The following PARD3B variants were observed in gnomAD, a reference collection of about 807,000 sequenced individuals.
PARD3B encodes partitioning defective 3 homolog B.
Under a neutral mutation model 130.2 loss-of-function variants are expected in PARD3B, and 103 were observed. That is an observed-to-expected ratio of 0.79 (90% CI 0.67 to 0.93). The LOEUF (loss-of-function observed/expected upper bound fraction) is 0.93, where lower values mean the gene tolerates loss of function less well. Ranked by LOEUF, PARD3B falls within the 40% of genes least tolerant of loss-of-function variation. PARD3B has a pLI of 0.00. For missense variants in PARD3B, 1,609 were observed against 1,499.2 expected, an observed-to-expected ratio of 1.07 and a Z score of -1.21; for synonymous variants, 583 against 553.2, an observed-to-expected ratio of 1.05 and a Z score of -0.76.
chr2:205,440,525 C>A lies in PARD3B; in HGVS notation c.2897C>A (p.Ala966Glu). 6.2e-7 allele frequency: 1 copy of A among 1,614,060 alleles called. No homozygotes were observed. The highest frequency in any genetic ancestry group is 8.5e-7 in the Non-Finnish European group (1 of 1,179,986). The change falls in exon 20 of 23, where the codon GCA (alanine) becomes GAA (glutamate). Residue 966 changes from alanine (A) to glutamate (E), a missense_variant. By Grantham distance (107) the Ala-to-Glu change is moderately radical. Coordinates refer to ENST00000406610, the MANE Select transcript of PARD3B (RefSeq NM_001302769.2). This position sits in a 1 kb window ranked among gnomAD's most constrained non-coding sequence, Gnocchi z 4.2. ...VNHFREPCTS[A>E]NVFRSPSPPR... ...CACTTTCGGGAACCATGCACATCAG[C>A]AAATGTCTTTAGATCTCCATCTCCC...
intron 2 of PARD3B, among the ~76,000 whole-genome samples, chr2:204,697,628 A>G (rs1318014793): frequency 1.3e-5 from 2 of 152,090 alleles, no homozygotes; most frequent in African/African-American, 4.8e-5. Context: ...CCTCTGAGGC[A>G]TGCATTTCAG....
In PARD3B at chr2:204,623,568, T is replaced by TC. The variant is rs2034379016; in HGVS notation, c.121-62612dup. On this transcript the variant is annotated intron_variant, in intron 1 of 22. Coordinates refer to ENST00000406610, the MANE Select transcript of PARD3B (RefSeq NM_001302769.2). This position sits in a 1 kb window ranked among gnomAD's most constrained non-coding sequence, Gnocchi z 4.5. ...GACCTTTTGAGAATGACTTTTTTTT[T>TC]CTACTTGGCATAATGTCATTGAGAT... Among the ~76,000 whole-genome samples, 1 of 152,164 alleles carries TC rather than the reference T, an allele frequency of 6.6e-6. No homozygotes were observed. The highest frequency in any genetic ancestry group is 2.4e-5 in the African/African-American group (1 of 41,452).
intron 16 of PARD3B, among the ~76,000 whole-genome samples, chr2:205,260,368 G>A (rs1299773673): frequency 6.6e-6 from 1 of 152,074 alleles, no homozygotes; most frequent in Non-Finnish European, 1.5e-5. Context: ...TTGGATTGTT[G>A]GAATAGGGAT....
At chr2:204,959,576 C>A (rs1185080740) in intron 2 of PARD3B, among the ~76,000 whole-genome samples, 1 of 152,176 alleles carries the variant, frequency 6.6e-6, no homozygotes, top group Non-Finnish European at 1.5e-5. Context: ...AATGGTAGAA[C>A]TAATTTACAC....
Position 205,530,613 on chromosome 2 carries a change from A to C in PARD3B, c.3181-22711A>C, listed in dbSNP as rs1033506640. ...CGGGTAACACCCTTCCATCCTGAGG[A>C]GCTAGAGAATCCGAGATTCAGAGAG... is the stretch of plus-strand genomic sequence containing the variant. On this transcript the variant is annotated intron_variant, in intron 21 of 22. Transcript: ENST00000406610. The surrounding 1 kb of genome is among the most constrained non-coding windows in gnomAD (Gnocchi z 4.7). Among the ~76,000 whole-genome samples, 5 of 152,064 alleles carry C rather than the reference A, an allele frequency of 3.3e-5. No homozygotes were observed. The highest frequency in any genetic ancestry group is 1.2e-4 in the African/African-American group (5 of 41,372).
At chr2:205,614,992 A>G (rs953283033) in intron 22 of PARD3B, among the ~76,000 whole-genome samples, 1 of 152,204 alleles carries the variant, frequency 6.6e-6, no homozygotes, top group African/African-American at 2.4e-5. Context: ...ATGGTGGTAG[A>G]AAAGGGGAGG....
intron 3 of PARD3B, among the ~76,000 whole-genome samples, chr2:205,046,153 T>C (rs979863587): frequency 7.2e-5 from 11 of 152,240 alleles, no homozygotes; most frequent in Non-Finnish European, 1.5e-4. Flanking sequence ...AGGAACTTAG[T>C]CTTCAGATTA....
At chr2:204,950,259 A>C (rs1048868499) in intron 2 of PARD3B, among the ~76,000 whole-genome samples, 1 of 152,198 alleles carries the variant, frequency 6.6e-6, no homozygotes, top group African/African-American at 2.4e-5. Context: ...GGAGAAATAA[A>C]TGAGATAATA....
chr2:205,294,691 T>C (rs1023407613), intron 16 of PARD3B, among the ~76,000 whole-genome samples: 2 of 152,156 alleles, frequency 1.3e-5, no homozygotes, highest in Non-Finnish European at 2.9e-5. Context: ...AAGTTCATTA[T>C]TGAACATTTT....
intron 1 of PARD3B, among the ~76,000 whole-genome samples, chr2:204,556,684 G>C (rs1026492629): frequency 6.6e-6 from 1 of 152,082 alleles, no homozygotes; most frequent in Non-Finnish European, 1.5e-5. Context: ...TGCCCTAAGG[G>C]ATTTTCATGC....
intron 2 of PARD3B, among the ~76,000 whole-genome samples, chr2:204,803,906 A>C: frequency 6.6e-6 from 1 of 152,140 alleles, no homozygotes. Flanking sequence ...ATCAAAAGAC[A>C]GATTTGCTAG....
At chr2:204,765,450 C>CAG (rs2041104149) in intron 2 of PARD3B, among the ~76,000 whole-genome samples, 5 of 152,156 alleles carry the variant, frequency 3.3e-5, no homozygotes, top group Admixed American at 3.3e-4. Context: ...CTGATCTTAA[C>CAG]CTAGCCTCTT....
intron 1 of PARD3B, among the ~76,000 whole-genome samples, chr2:204,604,913 C>A (rs2033653525): frequency 6.6e-6 from 1 of 152,016 alleles, no homozygotes; most frequent in African/African-American, 2.4e-5. Flanking sequence ...TCATCTGGTG[C>A]CTTGTCTGGA....
chr2:205,036,530 C>G (rs1219219200), intron 3 of PARD3B, among the ~76,000 whole-genome samples: 1 of 148,600 alleles, frequency 6.7e-6, no homozygotes. Context: ...ATATAGCAGA[C>G]TATATATACA....
chr2:205,420,986 C>A (rs371418666), intron 19 of PARD3B, among the ~76,000 whole-genome samples: 1 of 152,118 alleles, frequency 6.6e-6, no homozygotes, highest in South Asian at 2.1e-4. Flanking sequence ...ACTAAAAATA[C>A]AAAAATTAGC....
intron 2 of PARD3B, among the ~76,000 whole-genome samples, chr2:204,858,020 T>G (rs1213370513): frequency 1.3e-5 from 2 of 152,140 alleles, no homozygotes; most frequent in East Asian, 3.9e-4. Context: ...CAATGGAATT[T>G]ATCTGGGTTC....
Position 205,616,120 on chromosome 2 carries a change from A to C in PARD3B, c.*307A>C. On this transcript the variant is annotated 3_prime_UTR_variant, in exon 23 of 23. Coordinates refer to ENST00000406610, the MANE Select transcript of PARD3B (RefSeq NM_001302769.2). ...CAACGGAACACACAAACAACTAATT[A>C]TGGAACTCTACTCTGGGGATCCTCT... 1 of 331,544 alleles carries C rather than the reference A, an allele frequency of 3.0e-6. No homozygotes were observed. The allele number at this position is 331,544 out of a possible 1,614,324, so 20.5% of individuals were successfully genotyped here.
intron 3 of PARD3B, among the ~76,000 whole-genome samples, chr2:205,046,482 T>G (rs1347921701): frequency 3.7e-5 from 2 of 53,720 alleles, no homozygotes; most frequent in Non-Finnish European, 7.6e-5. Context: ...TGAAAGAAGT[T>G]TTTTTTTTTT....
rs1258078544 is a variant in PARD3B at position 205,178,221 on chromosome 2, T to G, written c.1924+1644T>G. Among the ~76,000 whole-genome samples the G allele has an allele frequency of 3.1e-5, 4 of 128,404 alleles. No homozygotes were observed. The East Asian group carries it at 6.6e-4, about 21-fold the overall frequency. The allele number at this position is 128,404 out of a possible 152,430, so 84.2% of individuals were successfully genotyped here. ...CACATGCCTGTAATCCCAGCTACTA[T>G]GGGGGGGGAAAAAAAAAAGAAGAAG... On this transcript the variant is annotated intron_variant, in intron 13 of 22. Coordinates refer to ENST00000406610, the MANE Select transcript of PARD3B (RefSeq NM_001302769.2).
Sources: allele counts gnomAD v4.1 joint callset (sites outside exome capture counted in the v4.1 genomes callset), GRCh38; gene constraint gnomAD v4.1.1; non-coding constraint Gnocchi (gnomAD v3.1); transcripts MANE v1.5; gene names NCBI Gene and HGNC (gene_info 2026-07-23, HGNC 2026-07-21).